DNM2: variants seen among roughly 807,000 people sequenced by gnomAD.
DNM2 encodes dynamin 2.
DNM2 carries 15 observed loss-of-function variants against 99.0 expected under a neutral mutation model. The observed-to-expected ratio is 0.15, with a 90% CI of 0.10 to 0.23. The LOEUF is 0.23. DNM2 is among the 10% of genes least tolerant of loss of function. The pLI is 1.00. For synonymous variants in DNM2, 525 were observed against 481.2 expected (o/e 1.09, Z -1.19); for missense variants, 742 against 1,189.4 (o/e 0.62, Z 5.53).
intron 6 of DNM2, among the ~76,000 whole-genome samples, chr19:10,783,705 A>ATTTTT (rs1020896849): frequency 1.4e-5 from 2 of 145,302 alleles, no homozygotes; most frequent in Non-Finnish European, 3.0e-5. Flanking sequence ...TATTATTATT[A>ATTTTT]TTTTTTATTT....
rs1316933028 is a variant in DNM2, at chr19:10,820,102, G to A, written c.1781+13G>A. 5 of 1,613,814 alleles carry A rather than the reference G, an allele frequency of 3.1e-6. No homozygotes were observed. The highest frequency in any genetic ancestry group is 4.2e-6 in the Non-Finnish European group (5 of 1,179,798). ...ACACGGAGCAGAGGTGAGGGGCCCA[G>A]GGGCCTGGGGATGGCTCGGGGTGAA... is the stretch of plus-strand genomic sequence containing the variant. On this transcript the variant is annotated intron_variant, in intron 16 of 20. Coordinates refer to ENST00000389253, the MANE Select transcript of DNM2 (RefSeq NM_001005361.3). This position sits in a 1 kb window ranked among gnomAD's most constrained non-coding sequence, Gnocchi z 4.3.
chr19:10,751,604 A>G (rs1042989131), intron 1 of DNM2, among the ~76,000 whole-genome samples: 2 of 152,216 alleles, frequency 1.3e-5, no homozygotes, highest in Non-Finnish European at 2.9e-5. Flanking sequence ...TTTCGGAGGC[A>G]GTCCAGGCCG....
chr19:10,741,559 T>TC (rs1320683057), intron 1 of DNM2, among the ~76,000 whole-genome samples: 1 of 151,142 alleles, frequency 6.6e-6, no homozygotes, highest in Non-Finnish European at 1.5e-5. Context: ...TTCTTTTTTT[T>TC]TTTTTTTTGA....
intron 1 of DNM2, among the ~76,000 whole-genome samples, chr19:10,733,497 A>G (rs1230628518): frequency 6.6e-6 from 1 of 152,058 alleles, no homozygotes; most frequent in Non-Finnish European, 1.5e-5. Flanking sequence ...CCTGCCTAGA[A>G]ATAATTTTAG....
chr19:10,800,847 G>T (rs1186828217), intron 11 of DNM2, among the ~76,000 whole-genome samples: 1 of 152,248 alleles, frequency 6.6e-6, no homozygotes, highest in Non-Finnish European at 1.5e-5. Flanking sequence ...CAAGTGCAGT[G>T]GACTCATAAG....
At chr19:10,721,935 T>C (rs1044115558) in intron 1 of DNM2, among the ~76,000 whole-genome samples, 2 of 152,172 alleles carry the variant, frequency 1.3e-5, no homozygotes, top group Non-Finnish European at 2.9e-5. Context: ...TGAGTTGTCA[T>C]GCAAAGGCTG....
chr19:10,734,210 G>A (rs1402081998), intron 1 of DNM2, among the ~76,000 whole-genome samples: 1 of 150,620 alleles, frequency 6.6e-6, no homozygotes, highest in African/African-American at 2.4e-5. Flanking sequence ...GAGTGTGGTG[G>A]TATACACCTG....
intron 1 of DNM2, among the ~76,000 whole-genome samples, chr19:10,733,969 C>T (rs530109237): frequency 1.3e-5 from 2 of 151,290 alleles, no homozygotes; most frequent in South Asian, 4.2e-4. Flanking sequence ...GATCGCGCCA[C>T]TGTACTTCAG....
chr19:10,732,974 C>G (rs1485833345), intron 1 of DNM2, among the ~76,000 whole-genome samples: 1 of 151,906 alleles, frequency 6.6e-6, no homozygotes, highest in African/African-American at 2.4e-5. Context: ...AGCTCCGCCT[C>G]CCAGGTTCAA....
intron 8 of DNM2, among the ~76,000 whole-genome samples, chr19:10,794,253 A>G (rs1173160391): frequency 6.6e-6 from 1 of 152,056 alleles, no homozygotes; most frequent in Non-Finnish European, 1.5e-5. Context: ...GAAACTGAAC[A>G]TGGATGTCTG....
chr19:10,797,714 G>A (rs982623412), intron 10 of DNM2, among the ~76,000 whole-genome samples, 196 bp downstream of exon 10: 4 of 152,168 alleles, frequency 2.6e-5, no homozygotes, highest in East Asian at 3.9e-4. Flanking sequence ...GTGGCTGCCC[G>A]TGGGGGCGGT....
In DNM2 at chr19:10,720,340, G is replaced by C. The variant is rs532955314; in HGVS notation, c.161+1937G>C. 7.3e-5 allele frequency among the ~76,000 whole-genome samples: 11 copies of C among 151,724 alleles called. No individual in the cohort carries two copies. In the South Asian group the frequency reaches 2.1e-3, roughly 29 times the overall value. ...CCATTCTTCTGCCTCAGCCTCCCGAGTAGCTGGGATTACAGGCGTCTACCA... is the reference window on the plus strand; with the variant it reads ...CCATTCTTCTGCCTCAGCCTCCCGACTAGCTGGGATTACAGGCGTCTACCA... On this transcript the variant is annotated intron_variant, in intron 1 of 20. Coordinates refer to ENST00000389253, the MANE Select transcript of DNM2 (RefSeq NM_001005361.3).
intron 1 of DNM2, among the ~76,000 whole-genome samples, chr19:10,731,336 T>G (rs528900929): frequency 6.6e-6 from 1 of 151,464 alleles, no homozygotes; most frequent in East Asian, 2.0e-4. Context: ...CTTTCCAGGT[T>G]GTTCTTTTCT....
At chr19:10,729,956 G>A (rs2069253755) in intron 1 of DNM2, among the ~76,000 whole-genome samples, 1 of 151,508 alleles carries the variant, frequency 6.6e-6, no homozygotes. Flanking sequence ...TTGACATCCT[G>A]TGCTCAAGCC....
intron 13 of DNM2, among the ~76,000 whole-genome samples, chr19:10,807,025 C>CT (rs1460217785): frequency 2.0e-5 from 3 of 152,032 alleles, no homozygotes; most frequent in African/African-American, 7.3e-5. Flanking sequence ...AGCTAGAGGC[C>CT]TTGTGAAATA....
At chr19:10,779,665 T>G (rs1309006474) in intron 5 of DNM2, among the ~76,000 whole-genome samples, 29 of 151,758 alleles carry the variant, frequency 1.9e-4, no homozygotes, top group Non-Finnish European at 4.3e-4. Flanking sequence ...GTGCGATTGC[T>G]CCTGGCTAGG....
At chr19:10,822,278 C>T (rs954728395) in intron 16 of DNM2, among the ~76,000 whole-genome samples, 1 of 151,546 alleles carries the variant, frequency 6.6e-6, no homozygotes, top group Non-Finnish European at 1.5e-5. Context: ...TAGCCTCCAC[C>T]TCCCATGCTC....
chr19:10,806,562 G>A (rs565998940), intron 13 of DNM2, among the ~76,000 whole-genome samples: 2 of 152,104 alleles, frequency 1.3e-5, no homozygotes, highest in South Asian at 2.1e-4. Context: ...AGGCTGAGGC[G>A]GGCGGATTGC....
intron 5 of DNM2, among the ~76,000 whole-genome samples, 172 bp downstream of exon 5, chr19:10,777,388 A>G (rs140092562): frequency 8.9e-4 from 136 of 151,996 alleles, no homozygotes; most frequent in African/African-American, 3.1e-3. Context: ...ATTTGTATGC[A>G]TTCGTTTTTC....
Sources: allele counts gnomAD v4.1 joint callset (sites outside exome capture counted in the v4.1 genomes callset), GRCh38; gene constraint gnomAD v4.1.1; non-coding constraint Gnocchi (gnomAD v3.1); transcripts MANE v1.5; gene names NCBI Gene and HGNC (gene_info 2026-07-23, HGNC 2026-07-21).